The following LRRC7 variants were observed in gnomAD, a reference collection of about 807,000 sequenced individuals.
LRRC7 encodes leucine-rich repeat-containing protein 7.
In LRRC7, 23 loss-of-function variants were observed where a neutral mutation model predicts 175.7. That is an observed-to-expected ratio of 0.13 (90% CI 0.09 to 0.19). LRRC7 has a LOEUF of 0.19. Among genes scored for constraint, LRRC7 ranks in the 10% least tolerant of loss-of-function variants. The pLI, the probability that LRRC7 is intolerant of heterozygous loss-of-function variation, is 1.00. For missense variants in LRRC7, 1,354 were observed against 1,904.7 expected (o/e 0.71, Z 5.38); for synonymous variants, 685 against 680.9 (o/e 1.01, Z -0.09).
At chr1:70,010,307 T>C (rs1656386186) in intron 11 of LRRC7, among the ~76,000 whole-genome samples, 1 of 152,262 alleles carries the variant, frequency 6.6e-6, no homozygotes, top group African/African-American at 2.4e-5. Context: ...GGCTCACGCC[T>C]GTAATCCCAG....
At chr1:69,904,743 G>A (rs1019668051) in intron 7 of LRRC7, among the ~76,000 whole-genome samples, 3 of 151,842 alleles carry the variant, frequency 2.0e-5, no homozygotes, top group African/African-American at 4.8e-5. Context: ...ATGTCACAGG[G>A]GTTTGATGTA....
chr1:69,823,134 C>T (rs890296173), intron 4 of LRRC7, among the ~76,000 whole-genome samples: 4 of 152,128 alleles, frequency 2.6e-5, no homozygotes, highest in Non-Finnish European at 5.9e-5. Context: ...TCTTAATCCT[C>T]GATATTCCTT....
At chr1:69,909,019 A>T (rs1484306703) in intron 7 of LRRC7, among the ~76,000 whole-genome samples, 1 of 151,612 alleles carries the variant, frequency 6.6e-6, no homozygotes, top group Non-Finnish European at 1.5e-5. Flanking sequence ...CTTTACCATT[A>T]TGTAATGGCC....
intron 7 of LRRC7, among the ~76,000 whole-genome samples, chr1:69,907,728 T>C (rs1034572312): frequency 1.3e-5 from 2 of 152,214 alleles, no homozygotes; most frequent in African/African-American, 4.8e-5. Context: ...TTCTCTTTTT[T>C]GGTTGTGTCT....
intron 2 of LRRC7, among the ~76,000 whole-genome samples, chr1:69,701,140 C>A (rs1269090906): frequency 2.0e-5 from 3 of 152,124 alleles, no homozygotes; most frequent in Non-Finnish European, 4.4e-5. Context: ...AAGGTACAGA[C>A]CAAACCTCAA....
chr1:70,036,750 G>T, intron 20 of LRRC7, 126 bp downstream of exon 20: 2 of 967,770 alleles, frequency 2.1e-6, no homozygotes, highest in Non-Finnish European at 3.0e-6. Flanking sequence ...GAAGGGGCAG[G>T]TAAGCAAATG....
chr1:69,615,364 T>C (rs968119515), intron 1 of LRRC7, among the ~76,000 whole-genome samples: 1 of 152,012 alleles, frequency 6.6e-6, no homozygotes, highest in Admixed American at 6.6e-5. Context: ...TTTCTTAGAA[T>C]GTTTTTGCTT....
Position 69,978,888 on chromosome 1 carries a change from G to A in LRRC7, c.712-1491G>A, listed in dbSNP as rs147912088. On this transcript the variant is annotated intron_variant, in intron 8 of 26. Transcript: ENST00000651989. Reference sequence around the variant, plus strand: ...ATTAGATTCCAGATTTTATTGAACTGTTTTGTATTTTGTTGTTTCAGTAAG... The same window carrying A: ...ATTAGATTCCAGATTTTATTGAACTATTTTGTATTTTGTTGTTTCAGTAAG... Among the ~76,000 whole-genome samples the A allele has an allele frequency of 4.2e-4, 54 of 128,370 alleles. No homozygotes were observed. The East Asian group carries it at 0.012, about 29-fold the overall frequency. The allele number at this position is 128,370 out of a possible 152,430, so 84.2% of individuals were successfully genotyped here.
At chr1:69,818,171 A>G (rs1678818777) in intron 4 of LRRC7, among the ~76,000 whole-genome samples, 3 of 152,088 alleles carry the variant, frequency 2.0e-5, no homozygotes, top group Non-Finnish European at 4.4e-5. Flanking sequence ...GACAAGAGTG[A>G]TCATCCTTGT....
intron 1 of LRRC7, among the ~76,000 whole-genome samples, chr1:69,643,706 G>A (rs976485194): frequency 6.6e-6 from 1 of 151,920 alleles, no homozygotes; most frequent in African/African-American, 2.4e-5. Context: ...TACTCATCAG[G>A]CTGAGGGATT....
intron 3 of LRRC7, among the ~76,000 whole-genome samples, chr1:69,783,620 C>T (rs1040071491): frequency 1.3e-5 from 2 of 151,520 alleles, no homozygotes; most frequent in East Asian, 1.9e-4. Flanking sequence ...GGTGTGGTGG[C>T]GAGCGTCTAT....
chr1:69,906,988 T>C (rs1163703828), intron 7 of LRRC7, among the ~76,000 whole-genome samples: 2 of 152,052 alleles, frequency 1.3e-5, no homozygotes, highest in East Asian at 1.9e-4. Flanking sequence ...CCCTTGTAAG[T>C]TGGATTCCTA....
At chr1:69,953,136 C>G (rs1650122906) in intron 8 of LRRC7, among the ~76,000 whole-genome samples, 1 of 151,964 alleles carries the variant, frequency 6.6e-6, no homozygotes, top group Admixed American at 6.6e-5. Context: ...AAATCCACCG[C>G]TACAAGGACA....
At position 70,076,234 on chromosome 1, in the gene LRRC7, C is replaced by A; in HGVS notation, c.4388C>A (p.Pro1463His). ...QIPSSQATRGPQPGRCLIQTK... is the reference protein window; with the variant it reads ...QIPSSQATRGHQPGRCLIQTK... ...CCCTCTTCACAGGCCACCCGGGGAC[C>A]TCAGCCTGGACGGTGCTTAATTCAA... is the stretch of plus-strand genomic sequence containing the variant. The change falls in exon 24 of 27, where the codon CCT (proline) becomes CAT (histidine). Residue 1463 changes from proline to histidine, a missense_variant. Pro to His is a moderately conservative substitution (Grantham distance 77). Coordinates refer to ENST00000651989, the MANE Select transcript of LRRC7 (RefSeq NM_001370785.2). 6.2e-7 allele frequency: 1 copy of A among 1,614,102 alleles called. No homozygotes were observed. Among genetic ancestry groups the A allele is most frequent in the Non-Finnish European group, 8.5e-7 (1 of 1,179,992 alleles).
Position 70,124,727 on chromosome 1 carries a change from A to C in LRRC7, c.*2840A>C, listed in dbSNP as rs1264478988. Among the ~76,000 whole-genome samples, 1 of 151,462 alleles carries C rather than the reference A, an allele frequency of 6.6e-6. No individual in the cohort carries two copies. The highest frequency in any genetic ancestry group is 1.5e-5 in the Non-Finnish European group (1 of 67,880). On this transcript the variant is annotated 3_prime_UTR_variant, in exon 27 of 27. Transcript: ENST00000651989. ...GAAATTAGAATCTGGTTATTTTAAC[A>C]ATAAAAAAAAGTCAAGGGTGTGCCT...
intron 8 of LRRC7, 62 bp downstream of exon 8, chr1:69,931,632 G>A: frequency 7.3e-7 from 1 of 1,378,216 alleles, no homozygotes; most frequent in East Asian, 2.3e-5. Flanking sequence ...CTTTTGCTCT[G>A]TCTTTGTAAA....
At chr1:69,611,690 C>T (rs1367028031) in intron 1 of LRRC7, among the ~76,000 whole-genome samples, 1 of 151,998 alleles carries the variant, frequency 6.6e-6, no homozygotes, top group African/African-American at 2.4e-5. Context: ...GCACATGGAA[C>T]CCTTTTTGCT....
At chr1:69,635,785 A>C (rs994041817) in intron 1 of LRRC7, among the ~76,000 whole-genome samples, 1 of 152,056 alleles carries the variant, frequency 6.6e-6, no homozygotes, top group Non-Finnish European at 1.5e-5. Flanking sequence ...AAACTAATGC[A>C]ATTAAAGATA....
intron 7 of LRRC7, among the ~76,000 whole-genome samples, chr1:69,849,437 A>C (rs949569471): frequency 1.1e-4 from 16 of 152,146 alleles, no homozygotes; most frequent in African/African-American, 3.6e-4. Flanking sequence ...GTTTCACTGA[A>C]TTTTCAGAAG....
Sources: allele counts gnomAD v4.1 joint callset (sites outside exome capture counted in the v4.1 genomes callset), GRCh38; gene constraint gnomAD v4.1.1; transcripts MANE v1.5; gene names NCBI Gene and HGNC (gene_info 2026-07-23, HGNC 2026-07-21).